Variants in P3H2 observed in about 807,000 individuals in gnomAD.
P3H2 encodes the protein prolyl 3-hydroxylase 2.
Under a neutral mutation model 87.0 loss-of-function variants are expected in P3H2, and 80 were observed. The ratio of observed to expected loss-of-function variants is 0.92; its 90% confidence interval spans 0.77 to 1.11. P3H2 has a LOEUF of 1.11. Among genes scored for constraint, P3H2 ranks in the 50% least tolerant of loss-of-function variants. P3H2 has a pLI of 0.00. For missense variants in P3H2, 1,001 were observed against 923.9 expected, an observed-to-expected ratio of 1.08 and a Z score of -1.08; for synonymous variants, 367 against 359.3, an observed-to-expected ratio of 1.02 and a Z score of -0.24.
intron 1 of P3H2, among the ~76,000 whole-genome samples, chr3:190,067,828 A>G (rs1468237522): frequency 6.6e-6 from 1 of 152,176 alleles, no homozygotes; most frequent in Non-Finnish European, 1.5e-5. Flanking sequence ...AAAATATTGC[A>G]TTTCATTATT....
In P3H2 at chr3:189,964,030, C is replaced by T; in HGVS notation, c.1962G>A (p.Val654=). 6.2e-7 allele frequency: 1 copy of T among 1,614,186 alleles called. No individual in the cohort carries two copies. Among genetic ancestry groups the T allele is most frequent in the South Asian group, 1.1e-5 (1 of 91,088 alleles). Residue 654 remains valine, a synonymous_variant, in exon 14 of 15, where the codon GTG becomes GTA. Transcript: ENST00000319332. ...FSSGGENPHG[V]KAVTKGKRCA... is the part of the protein sequence containing the mutation. ...ACCTCTTTCCCTTGGTGACTGCCTTCACCCCATGAGGGTTCTCTCCTCCAG... is the reference window on the plus strand; with the variant it reads ...ACCTCTTTCCCTTGGTGACTGCCTTTACCCCATGAGGGTTCTCTCCTCCAG...
chr3:189,964,058 G>T lies in P3H2; in HGVS notation c.1934C>A (p.Ser645Ter). The change falls in exon 14 of 15, where the codon TCA (serine) becomes TAA (stop). Residue 645 changes from serine (S) to a stop codon, truncating the protein, a stop_gained. Coordinates refer to ENST00000319332, the MANE Select transcript of P3H2 (RefSeq NM_018192.4). LOFTEE classifies it high-confidence loss of function. ...KPKCGRMISFSSGGENPHGVK... is the reference protein window; with the variant it reads ...KPKCGRMISF Reference sequence around the variant, plus strand: ...CCCATGAGGGTTCTCTCCTCCAGATGAGAAGCTGATCATGCGCCCACATTT... The same window carrying T: ...CCCATGAGGGTTCTCTCCTCCAGATTAGAAGCTGATCATGCGCCCACATTT... 1 of 1,614,198 alleles carries T rather than the reference G, an allele frequency of 6.2e-7. No homozygotes were observed. The highest frequency in any genetic ancestry group is 8.5e-7 in the Non-Finnish European group (1 of 1,180,022).
At chr3:190,099,852 TTATC>T (rs1711555734) in intron 1 of P3H2, among the ~76,000 whole-genome samples, 1 of 152,162 alleles carries the variant, frequency 6.6e-6, no homozygotes, top group African/African-American at 2.4e-5. Flanking sequence ...TACAATACCT[TTATC>T]TAAGAGGAAG....
At chr3:189,986,904 A>AT (rs1276112775) in intron 5 of P3H2, 27 bp from the exon 6 acceptor site, 6 of 1,470,532 alleles carry the variant, frequency 4.1e-6, no homozygotes, top group Non-Finnish European at 5.7e-6. Flanking sequence ...AAAGAAAGAC[A>AT]TTTTTTATTT....
intron 3 of P3H2, among the ~76,000 whole-genome samples, chr3:189,990,499 A>G (rs1723844026): frequency 6.6e-6 from 1 of 152,304 alleles, no homozygotes; most frequent in East Asian, 1.9e-4. Flanking sequence ...CTGAATGGAA[A>G]TATTTTTTCA....
intron 1 of P3H2, among the ~76,000 whole-genome samples, chr3:190,102,120 G>A (rs146669345): frequency 6.6e-6 from 1 of 152,296 alleles, no homozygotes; most frequent in East Asian, 1.9e-4. Context: ...AATTGACAAT[G>A]CTTCTAGTCA....
intron 3 of P3H2, among the ~76,000 whole-genome samples, chr3:189,990,703 T>C (rs1282984686): frequency 6.6e-6 from 1 of 152,240 alleles, no homozygotes; most frequent in Non-Finnish European, 1.5e-5. Flanking sequence ...TTATACCTAA[T>C]TTAGGACAAT....
chr3:190,095,234 C>T (rs948744585), intron 1 of P3H2, among the ~76,000 whole-genome samples: 2 of 146,062 alleles, frequency 1.4e-5, no homozygotes, highest in African/African-American at 5.1e-5. Context: ...AAATATCTAA[C>T]CCAAATTTAC....
chr3:189,982,902 T>C (rs952942913), intron 8 of P3H2, 144 bp downstream of exon 8: 8 of 593,564 alleles, frequency 1.3e-5, no homozygotes, highest in Non-Finnish European at 2.4e-5. Context: ...AAGTCTTGCT[T>C]TCAGACTATT....
chr3:190,031,793 T>C (rs545374614), intron 1 of P3H2, among the ~76,000 whole-genome samples: 1 of 86,446 alleles, frequency 1.2e-5, no homozygotes, highest in South Asian at 4.4e-4. Flanking sequence ...AAGCTAAGAT[T>C]TGTGACATAC....
At chr3:189,995,495 T>C (rs1724026538) in intron 1 of P3H2, 53 bp from the exon 2 acceptor site, 1 of 1,561,688 alleles carries the variant, frequency 6.4e-7, no homozygotes, top group Non-Finnish European at 8.7e-7. Context: ...CAAATCACAC[T>C]CAGAGAAATA....
At chr3:190,115,863 T>A (rs1712270147) in intron 1 of P3H2, among the ~76,000 whole-genome samples, 1 of 152,212 alleles carries the variant, frequency 6.6e-6, no homozygotes, top group African/African-American at 2.4e-5. Flanking sequence ...GGAGGGAAGA[T>A]GGTTGTGAAT....
At position 190,066,145 on chromosome 3, in the gene P3H2, A is replaced by G. The variant is rs57740921; in HGVS notation, c.480+54107T>C. 2.0e-3 allele frequency among the ~76,000 whole-genome samples: 226 copies of G among 110,484 alleles called. 2 individuals carry two copies. Among genetic ancestry groups the G allele is most frequent in the African/African-American group, 5.6e-3 (111 of 19,990 alleles). The allele number at this position is 110,484 out of a possible 152,430, so 72.5% of individuals were successfully genotyped here. A position where few individuals can be genotyped will look rare whatever the true frequency, so the allele number is the denominator to read the frequency against. On this transcript the variant is annotated intron_variant, in intron 1 of 14. Coordinates refer to ENST00000319332, the MANE Select transcript of P3H2 (RefSeq NM_018192.4). ...AGTGGATAAAGAAACTGTGGTGTGT[A>G]TATATATATATATACACACACACAC...
At chr3:190,022,753 G>T (rs867445812) in intron 1 of P3H2, among the ~76,000 whole-genome samples, 3 of 152,180 alleles carry the variant, frequency 2.0e-5, no homozygotes, top group African/African-American at 7.2e-5. Context: ...TCACCTAGGG[G>T]TCATAGGTGA....
intron 1 of P3H2, among the ~76,000 whole-genome samples, chr3:190,014,993 T>C (rs933064615): frequency 6.6e-6 from 1 of 152,118 alleles, no homozygotes; most frequent in African/African-American, 2.4e-5. Flanking sequence ...AATGAAGGGT[T>C]GGGCCAGATG....
chr3:190,009,978 T>C (rs1045349740), intron 1 of P3H2, among the ~76,000 whole-genome samples: 3 of 152,092 alleles, frequency 2.0e-5, no homozygotes, highest in Non-Finnish European at 2.9e-5. Flanking sequence ...TAAGACCCTA[T>C]AGAAATAAAA....
rs1577254389 is a variant in P3H2 at position 189,984,607 on chromosome 3, A to T, written c.1189-17T>A. 2 of 37,156 alleles carry T rather than the reference A, an allele frequency of 5.4e-5. No homozygotes were observed. Among genetic ancestry groups the T allele is most frequent in the Non-Finnish European group, 3.9e-5 (1 of 25,648 alleles). 2.3% of individuals were successfully genotyped at this position (37,156 alleles called of 1,614,324 possible). ...CCAATAATTCTGTTTTGAATCGAGT[A>T]AAAAAAAAAATGCAGTAATTTTGTC... On this transcript the variant is annotated splice_polypyrimidine_tract_variant and intron_variant, in intron 6 of 14. Coordinates refer to ENST00000319332, the MANE Select transcript of P3H2 (RefSeq NM_018192.4).
intron 1 of P3H2, among the ~76,000 whole-genome samples, chr3:190,007,058 T>TA (rs1410967191): frequency 6.6e-6 from 1 of 152,208 alleles, no homozygotes; most frequent in African/African-American, 2.4e-5. Flanking sequence ...AAAACTAAAA[T>TA]ACGTGAGGTA....
In P3H2 at chr3:189,957,900, T is replaced by C. The variant is rs1469354085; in HGVS notation, c.*12A>G. On this transcript the variant is annotated 3_prime_UTR_variant, in exon 15 of 15. Transcript: ENST00000319332. Reference sequence around the variant, plus strand: ...TTTAAATAAATATTTGATAGAACATTCTTTCTCATTTTTATAGCTCATCTT... The same window carrying C: ...TTTAAATAAATATTTGATAGAACATCCTTTCTCATTTTTATAGCTCATCTT... The C allele has an allele frequency of 6.5e-7, 1 of 1,535,248 alleles. No individual in the cohort carries two copies. The highest frequency in any genetic ancestry group is 1.1e-5 in the South Asian group (1 of 89,482).
Sources: allele counts gnomAD v4.1 joint callset (sites outside exome capture counted in the v4.1 genomes callset), GRCh38; gene constraint gnomAD v4.1.1; transcripts MANE v1.5; gene names NCBI Gene and HGNC (gene_info 2026-07-23, HGNC 2026-07-21).